The following SYNE2 variants were observed in gnomAD, a reference collection of about 807,000 sequenced individuals.
The protein encoded by SYNE2 is nesprin-2.
A neutral mutation model predicts 856.3 loss-of-function variants in SYNE2; 431 were observed. That is an observed-to-expected ratio of 0.50 (90% CI 0.47 to 0.55). The LOEUF (loss-of-function observed/expected upper bound fraction) is 0.55. Ranked by LOEUF, SYNE2 falls within the 20% of genes least tolerant of loss-of-function variation. The probability of loss-of-function intolerance (pLI) is 0.00; values close to 1 mark genes in which losing one functional copy is unlikely to be tolerated. For synonymous variants in SYNE2, 2,923 were observed against 2,872.3 expected, an observed-to-expected ratio of 1.02 and a Z score of -0.56; for missense variants, 8,129 against 8,023.2, an observed-to-expected ratio of 1.01 and a Z score of -0.50.
chr14:64,094,062 G>A (rs1717037225), intron 61 of SYNE2, among the ~76,000 whole-genome samples: 1 of 151,972 alleles, frequency 6.6e-6, no homozygotes. Context: ...GCCGGGCGCG[G>A]TGGCTCACGC....
rs1484448033 is a variant in SYNE2 at position 63,993,947 on chromosome 14, G to C, written c.2759G>C (p.Arg920Thr). ...DIKMSLEEKSRDVCAKWESLH... is the reference protein window; with the variant it reads ...DIKMSLEEKSTDVCAKWESLH... ...AAGATGTCTTTAGAAGAAAAGAGTAGAGATGTCTGTGCCAAATGGGAGGTA... is the reference window on the plus strand; with the variant it reads ...AAGATGTCTTTAGAAGAAAAGAGTACAGATGTCTGTGCCAAATGGGAGGTA... The change falls in exon 22 of 116, where the codon AGA (arginine) becomes ACA (threonine). Residue 920 changes from arginine (R) to threonine (T), a missense_variant. Coordinates refer to ENST00000555002, the MANE Select transcript of SYNE2 (RefSeq NM_182914.3). 1 of 1,613,716 alleles carries C rather than the reference G, an allele frequency of 6.2e-7. No individual in the cohort carries two copies. The highest frequency in any genetic ancestry group is 1.3e-5 in the African/African-American group (1 of 74,880).
At chr14:64,009,515 G>C (rs534620683) in intron 31 of SYNE2, among the ~76,000 whole-genome samples, 12 of 132,748 alleles carry the variant, frequency 9.0e-5, no homozygotes, top group African/African-American at 3.4e-4. Context: ...TAGCTTGGGT[G>C]ACAGAGCTAG....
intron 84 of SYNE2, 99 bp downstream of exon 84, chr14:64,146,322 C>T (rs1281404875): frequency 2.7e-6 from 3 of 1,098,120 alleles, no homozygotes; most frequent in Admixed American, 5.8e-5. Context: ...TGGAAACTCT[C>T]TTCCAGCTCC....
At chr14:64,165,038 C>G (rs1275554107) in intron 89 of SYNE2, among the ~76,000 whole-genome samples, 2 of 151,922 alleles carry the variant, frequency 1.3e-5, no homozygotes, top group African/African-American at 4.8e-5. Flanking sequence ...CAGGCTCACA[C>G]CACTATGCCC....
intron 1 of SYNE2, among the ~76,000 whole-genome samples, chr14:63,788,876 A>C (rs184433405): frequency 1.3e-5 from 2 of 152,368 alleles, no homozygotes; most frequent in African/African-American, 4.8e-5. Flanking sequence ...CCCAAAAGAA[A>C]GGAAATAAGT....
At chr14:64,163,307 C>A in intron 88 of SYNE2, 95 bp from the exon 89 acceptor site, 1 of 1,409,372 alleles carries the variant, frequency 7.1e-7, no homozygotes. Context: ...GTTTTCAGGG[C>A]AAATATTCTC....
At chr14:63,868,590 C>T (rs1186932924) in intron 1 of SYNE2, among the ~76,000 whole-genome samples, 4 of 151,964 alleles carry the variant, frequency 2.6e-5, no homozygotes, top group African/African-American at 9.7e-5. Flanking sequence ...CTAATTATTC[C>T]CAAGGTCCCA....
rs771703612 is a variant in SYNE2, at chr14:63,998,344, AAAC to A, written c.3353+20_3353+22del. On this transcript the variant is annotated intron_variant, in intron 26 of 115. Transcript: ENST00000555002. ...TACTAGAGAGGTAAACTCTTTTTAA[AAAC>A]AACTGGAAAATCCACCAGAAGTCTT... 5.9e-6 allele frequency: 9 copies of A among 1,524,474 alleles called. No individual in the cohort carries two copies. The highest frequency in any genetic ancestry group is 7.3e-6 in the Non-Finnish European group (8 of 1,098,550). 94.4% of individuals were successfully genotyped at this position (1,524,474 alleles called of 1,614,324 possible).
chr14:64,134,590 T>A (rs940846977), intron 78 of SYNE2, among the ~76,000 whole-genome samples: 2 of 152,194 alleles, frequency 1.3e-5, no homozygotes, highest in African/African-American at 2.4e-5. Flanking sequence ...GCCTTCGGCC[T>A]CTAAACATAT....
intron 30 of SYNE2, among the ~76,000 whole-genome samples, chr14:64,005,456 G>T (rs1344247802): frequency 6.6e-6 from 1 of 152,202 alleles, no homozygotes; most frequent in African/African-American, 2.4e-5. Flanking sequence ...TTGGGGTCAA[G>T]AATGCTTCCA....
chr14:64,067,198 C>CAA (rs1290553183), intron 51 of SYNE2, among the ~76,000 whole-genome samples: 1 of 145,628 alleles, frequency 6.9e-6, no homozygotes, highest in Non-Finnish European at 1.5e-5. Context: ...GTAGCACAAG[C>CAA]AAAAAAAAAA....
At chr14:63,931,435 A>G (rs1262779864) in intron 2 of SYNE2, among the ~76,000 whole-genome samples, 1 of 151,930 alleles carries the variant, frequency 6.6e-6, no homozygotes, top group African/African-American at 2.4e-5. Flanking sequence ...CTGTAATCCC[A>G]GCTACTCAGG....
Position 63,998,336 on chromosome 14 carries a change from C to G in SYNE2, c.3353+8C>G. ...AAATAGTTTACTAGAGAGGTAAACT[C>G]TTTTTAAAAACAACTGGAAAATCCA... On this transcript the variant is annotated splice_region_variant and intron_variant, in intron 26 of 115. Transcript: ENST00000555002. The G allele has an allele frequency of 6.4e-7, 1 of 1,558,216 alleles. No homozygotes were observed.
intron 1 of SYNE2, among the ~76,000 whole-genome samples, chr14:63,860,679 T>C (rs1893309967): frequency 6.6e-6 from 1 of 152,250 alleles, no homozygotes. Flanking sequence ...CAGTTTGTTA[T>C]CAGTGAGTAG....
intron 6 of SYNE2, among the ~76,000 whole-genome samples, chr14:63,949,400 A>G (rs1314325048): frequency 6.6e-6 from 1 of 152,112 alleles, no homozygotes; most frequent in Non-Finnish European, 1.5e-5. Flanking sequence ...TTGTCTATCC[A>G]TGTGTTTGAC....
At chr14:64,147,056 G>A (rs1231084438) in intron 84 of SYNE2, among the ~76,000 whole-genome samples, 4 of 152,204 alleles carry the variant, frequency 2.6e-5, no homozygotes, top group Admixed American at 6.5e-5. Flanking sequence ...AGCCACCTTG[G>A]AGTCATGTGC....
intron 11 of SYNE2, among the ~76,000 whole-genome samples, chr14:63,968,612 A>C (rs1379408891): frequency 1.3e-5 from 2 of 152,226 alleles, no homozygotes; most frequent in African/African-American, 4.8e-5. Context: ...CATATGGTAC[A>C]TAACTTTGTG....
chr14:63,905,677 T>A (rs754825739), intron 1 of SYNE2, among the ~76,000 whole-genome samples: 1 of 152,210 alleles, frequency 6.6e-6, no homozygotes, highest in Non-Finnish European at 1.5e-5. Flanking sequence ...AAATCACATA[T>A]CAGTTCTAGT....
chr14:64,182,673 A>G (rs1352610968), intron 96 of SYNE2, among the ~76,000 whole-genome samples: 1 of 152,212 alleles, frequency 6.6e-6, no homozygotes, highest in African/African-American at 2.4e-5. Context: ...CTGAGTGGAC[A>G]CAGCACATGT....
Sources: allele counts gnomAD v4.1 joint callset (sites outside exome capture counted in the v4.1 genomes callset), GRCh38; gene constraint gnomAD v4.1.1; transcripts MANE v1.5; gene names NCBI Gene and HGNC (gene_info 2026-07-23, HGNC 2026-07-21).